The following NSUN2 variants were observed in gnomAD, a reference collection of about 807,000 sequenced individuals.
The protein encoded by NSUN2 is RNA cytosine C(5)-methyltransferase NSUN2.
NSUN2 carries 63 observed loss-of-function variants against 92.7 expected under a neutral mutation model. The ratio of observed to expected loss-of-function variants is 0.68; its 90% confidence interval spans 0.56 to 0.84. The LOEUF (loss-of-function observed/expected upper bound fraction) is 0.84, where lower values mean the gene tolerates loss of function less well. NSUN2 is among the 40% of genes least tolerant of loss of function. The pLI is 0.00. For synonymous variants in NSUN2, 356 were observed against 348.3 expected (o/e 1.02, Z -0.25); for missense variants, 989 against 964.9 (o/e 1.02, Z -0.33).
In NSUN2 at chr5:6,609,920, A is replaced by C; in HGVS notation, c.1229T>G (p.Leu410Arg). 1 of 1,598,164 alleles carries C rather than the reference A, an allele frequency of 6.3e-7. No individual in the cohort carries two copies. Residue 410 changes from leucine to arginine, a missense_variant and splice_region_variant, in exon 12 of 19, where the codon CTT (leucine) becomes CGT (arginine). Leu to Arg is a moderately radical substitution (Grantham distance 102). This residue lies in a region of NSUN2 where 626 missense variants were observed against 602.3 expected (regional missense o/e 1.04). Transcript: ENST00000264670. ...ATTCTGATGATGGGGTAATATCCTAAGGCTAAATATATATATATAATTCAC... is the reference window on the plus strand; with the variant it reads ...ATTCTGATGATGGGGTAATATCCTACGGCTAAATATATATATATAATTCAC... ...KLQAMHLERC[L>R]RILPHHQNTG...
intron 4 of NSUN2, 31 bp from the exon 5 acceptor site, chr5:6,623,316 T>G (rs746468311): frequency 2.1e-6 from 3 of 1,432,242 alleles, no homozygotes; most frequent in Non-Finnish European, 1.8e-6. Context: ...CAGCAACAAT[T>G]AGGAAAAAAA....
intron 17 of NSUN2, chr5:6,603,891 C>G (rs1236040239): frequency 2.3e-6 from 1 of 428,068 alleles, no homozygotes; most frequent in Non-Finnish European, 4.2e-6. Flanking sequence ...ACAGACACAC[C>G]ACAGGCTGCT....
chr5:6,631,738 G>A (rs1195550738), intron 3 of NSUN2, 135 bp downstream of exon 3: 5 of 656,178 alleles, frequency 7.6e-6, no homozygotes, highest in Non-Finnish European at 1.3e-5. Context: ...AAAAGCACCA[G>A]GTACTAGAAC....
intron 9 of NSUN2, among the ~76,000 whole-genome samples, chr5:6,614,856 A>G (rs3776435): frequency 0.58 from 87,126 of 151,398 alleles, 25,901 homozygotes; most frequent in Non-Finnish European, 0.66. Context: ...GCCTGCAAAG[A>G]GTGACTCCAG....
Position 6,621,999 on chromosome 5 carries a change from A to C in NSUN2, c.622+17T>G. The C allele has an allele frequency of 1.2e-6, 2 of 1,604,410 alleles. No homozygotes were observed. Among genetic ancestry groups the C allele is most frequent in the Non-Finnish European group, 1.7e-6 (2 of 1,171,528 alleles). ...AAGTGGCATTCCTACCATTTTGAAC[A>C]CAAGTCCAATGCATACCTGGAAAGG... is the stretch of plus-strand genomic sequence containing the variant. On this transcript the variant is annotated intron_variant, in intron 6 of 18. Coordinates refer to ENST00000264670, the MANE Select transcript of NSUN2 (RefSeq NM_017755.6).
chr5:6,623,235 G>A lies in NSUN2; in HGVS notation c.516C>T (p.Leu172=). Residue 172 remains leucine (L), a synonymous_variant, in exon 5 of 19, where the codon CTC becomes CTT. Transcript: ENST00000264670. ...EAVSMIPPLL[L]NVRPHHKILD... is the part of the protein sequence containing the mutation. Reference sequence around the variant, plus strand: ...CTACCTTATGATGAGGCCGCACGTTGAGGAGCAGTGGTGGGATCATGCTAA... The same window carrying A: ...CTACCTTATGATGAGGCCGCACGTTAAGGAGCAGTGGTGGGATCATGCTAA... The A allele has an allele frequency of 6.2e-7, 1 of 1,606,244 alleles. No homozygotes were observed. The highest frequency in any genetic ancestry group is 1.4e-5 in the African/African-American group (1 of 73,996).
intron 3 of NSUN2, among the ~76,000 whole-genome samples, chr5:6,626,380 C>CT (rs34809741): frequency 4.0e-4 from 58 of 145,796 alleles, no homozygotes; most frequent in Middle Eastern, 3.5e-3. Flanking sequence ...AAAACACTGC[C>CT]TTTTTTTTTT....
chr5:6,609,695 C>G, intron 12 of NSUN2, 131 bp downstream of exon 12: 1 of 669,954 alleles, frequency 1.5e-6, no homozygotes, highest in Non-Finnish European at 2.6e-6. Context: ...CCCCCTCATT[C>G]AGGGTCAGCT....
At chr5:6,602,582 G>A in intron 17 of NSUN2, 82 bp from the exon 18 acceptor site, 1 of 1,190,938 alleles carries the variant, frequency 8.4e-7, no homozygotes, top group Non-Finnish European at 1.3e-6. Context: ...ACCTAGTGAT[G>A]TGTTAAGTAT....
intron 4 of NSUN2, among the ~76,000 whole-genome samples, chr5:6,624,730 G>A (rs916486060): frequency 6.6e-6 from 1 of 152,088 alleles, no homozygotes; most frequent in Non-Finnish European, 1.5e-5. Flanking sequence ...CAGTTTAGTC[G>A]GTTACTTAGA....
intron 11 of NSUN2, among the ~76,000 whole-genome samples, chr5:6,610,449 G>C (rs1736940644): frequency 6.6e-6 from 1 of 151,952 alleles, no homozygotes. Flanking sequence ...AGCACTTTGG[G>C]AGGCCGAGGT....
chr5:6,629,236 G>A (rs1381884526), intron 3 of NSUN2, among the ~76,000 whole-genome samples: 1 of 152,202 alleles, frequency 6.6e-6, no homozygotes, highest in Non-Finnish European at 1.5e-5. Flanking sequence ...GATTCTAAGA[G>A]TTTGGTAATT....
Position 6,628,207 on chromosome 5 carries a change from G to A in NSUN2, c.360-2538C>T, listed in dbSNP as rs558386729. Among the ~76,000 whole-genome samples the A allele has an allele frequency of 1.1e-3, 168 of 152,264 alleles. 1 individual carries two copies. The highest frequency in any genetic ancestry group is 4.4e-4 in the Non-Finnish European group (30 of 68,028). The stretch of plus-strand genomic sequence containing the variant: ...TACAAAAAATAGAAAAAATAGCTGG[G>A]TATGGTGATGGGGGCATGTAATCCC... On this transcript the variant is annotated intron_variant, in intron 3 of 18. Coordinates refer to ENST00000264670, the MANE Select transcript of NSUN2 (RefSeq NM_017755.6).
chr5:6,627,054 C>T (rs1737682879), intron 3 of NSUN2, among the ~76,000 whole-genome samples: 1 of 152,134 alleles, frequency 6.6e-6, no homozygotes, highest in African/African-American at 2.4e-5. Flanking sequence ...ATAATGAAGA[C>T]GAAACTGGCT....
chr5:6,607,908 G>T (rs1037318557), intron 12 of NSUN2, among the ~76,000 whole-genome samples: 1 of 152,216 alleles, frequency 6.6e-6, no homozygotes, highest in Non-Finnish European at 1.5e-5. Context: ...TTCTGAATTA[G>T]GGCCATGGTA....
intron 18 of NSUN2, among the ~76,000 whole-genome samples, chr5:6,601,738 G>A (rs746589553): frequency 1.2e-4 from 19 of 152,098 alleles, no homozygotes; most frequent in Non-Finnish European, 2.8e-4. Flanking sequence ...AATCTGTACA[G>A]TGGTTCTACC....
In NSUN2 at chr5:6,607,788, C is replaced by A. The variant is rs934696292; in HGVS notation, c.1324-404G>T. ...GGCAAAAAGACAAGTATATAAATAACGAGAAAGGAGGGTATGAATTGTTCT... is the reference window on the plus strand; with the variant it reads ...GGCAAAAAGACAAGTATATAAATAAAGAGAAAGGAGGGTATGAATTGTTCT... On this transcript the variant is annotated intron_variant, in intron 12 of 18. Transcript: ENST00000264670. Among the ~76,000 whole-genome samples, 25 of 152,094 alleles carry A rather than the reference C, an allele frequency of 1.6e-4. 1 individual carries two copies. The highest frequency in any genetic ancestry group is 4.8e-4 in the African/African-American group (20 of 41,404).
chr5:6,610,011 A>G, intron 11 of NSUN2, 89 bp from the exon 12 acceptor site: 1 of 911,590 alleles, frequency 1.1e-6, no homozygotes, highest in Non-Finnish European at 1.6e-6. Context: ...ATGATACAAG[A>G]GAAAAATCAT....
chr5:6,604,493 G>T, intron 16 of NSUN2, 112 bp downstream of exon 16: 1 of 1,040,418 alleles, frequency 9.6e-7, no homozygotes, highest in Non-Finnish European at 1.5e-6. Flanking sequence ...GCTGGTAGGT[G>T]CCAGCCAAGC....
Sources: allele counts gnomAD v4.1 joint callset (sites outside exome capture counted in the v4.1 genomes callset), GRCh38; gene constraint gnomAD v4.1.1; regional missense constraint gnomAD v4.1.1; transcripts MANE v1.5; gene names NCBI Gene and HGNC (gene_info 2026-07-23, HGNC 2026-07-21).